The following HACD3 variants were observed in gnomAD, a reference collection of about 807,000 sequenced individuals.
HACD3 encodes the protein very-long-chain (3R)-3-hydroxyacyl-CoA dehydratase 3.
Under a neutral mutation model 55.2 loss-of-function variants are expected in HACD3, and 30 were observed. The ratio of observed to expected loss-of-function variants is 0.54; its 90% confidence interval spans 0.41 to 0.74. The LOEUF is 0.74. HACD3 is among the 30% of genes least tolerant of loss of function. The probability of loss-of-function intolerance (pLI) is 0.00; values close to 1 mark genes in which losing one functional copy is unlikely to be tolerated. For synonymous variants in HACD3, 141 were observed against 151.7 expected (o/e 0.93, Z 0.52); for missense variants, 363 against 440.1 (o/e 0.82, Z 1.57).
intron 10 of HACD3, among the ~76,000 whole-genome samples, chr15:65,573,357 C>G (rs927573460): frequency 6.6e-5 from 10 of 152,000 alleles, no homozygotes; most frequent in African/African-American, 2.4e-4. Context: ...CCTGTAATCC[C>G]AGCACTTTGG....
intron 4 of HACD3, among the ~76,000 whole-genome samples, chr15:65,557,722 T>C (rs1210236978): frequency 1.3e-5 from 2 of 152,204 alleles, no homozygotes; most frequent in South Asian, 4.1e-4. Flanking sequence ...AGAATAATTA[T>C]GCATGTCTAT....
intron 1 of HACD3, chr15:65,531,493 A>G (rs1219478460): frequency 6.6e-6 from 1 of 152,208 alleles, no homozygotes; most frequent in East Asian, 1.9e-4. Context: ...TCTCTGTCCA[A>G]ACTAAAGATT....
intron 1 of HACD3, among the ~76,000 whole-genome samples, chr15:65,533,929 A>G (rs1248101480): frequency 9.9e-5 from 15 of 151,772 alleles, no homozygotes; most frequent in Non-Finnish European, 1.9e-4. Flanking sequence ...GCGGGCGCCT[A>G]TAGTCCCAGC....
chr15:65,551,950 A>T, intron 2 of HACD3: 2 of 439,324 alleles, frequency 4.6e-6, no homozygotes, highest in Non-Finnish European at 8.1e-6. Context: ...GAAGGAAAAA[A>T]AAAAAAAGAA....
chr15:65,568,037 C>T (rs2072309985), intron 7 of HACD3, among the ~76,000 whole-genome samples: 5 of 151,862 alleles, frequency 3.3e-5, no homozygotes, highest in Admixed American at 2.6e-4. Context: ...ATTCTCCTAC[C>T]TCAGCCTCCC....
At chr15:65,550,723 T>G (rs535541043) in intron 1 of HACD3, 28 of 152,318 alleles carry the variant, frequency 1.8e-4, no homozygotes, top group African/African-American at 6.5e-4. Context: ...TCTGTTGGGT[T>G]GTTCTGGCTT....
chr15:65,556,371 C>T (rs1364929140), intron 3 of HACD3, among the ~76,000 whole-genome samples: 1 of 152,220 alleles, frequency 6.6e-6, no homozygotes, highest in Non-Finnish European at 1.5e-5. Flanking sequence ...TCCTTGCATG[C>T]ACAATTCACA....
At chr15:65,556,223 A>G (rs1478216718) in intron 3 of HACD3, among the ~76,000 whole-genome samples, 4 of 152,228 alleles carry the variant, frequency 2.6e-5, no homozygotes, top group African/African-American at 9.6e-5. Flanking sequence ...TATATAATGA[A>G]TACAACTCAC....
chr15:65,575,302 C>T (rs1021353724), intron 10 of HACD3, among the ~76,000 whole-genome samples: 2 of 151,916 alleles, frequency 1.3e-5, no homozygotes, highest in Admixed American at 6.6e-5. Context: ...ATTCTCTTGC[C>T]TCAGCCTCCG....
chr15:65,576,046 A>C (rs1198166848), intron 10 of HACD3, among the ~76,000 whole-genome samples: 1 of 152,236 alleles, frequency 6.6e-6, no homozygotes, highest in Non-Finnish European at 1.5e-5. Flanking sequence ...GTGAGCTGAG[A>C]TTGTGCCACT....
intron 7 of HACD3, among the ~76,000 whole-genome samples, chr15:65,569,119 G>A (rs1253885172): frequency 6.6e-6 from 1 of 151,912 alleles, no homozygotes; most frequent in African/African-American, 2.4e-5. Flanking sequence ...GTGGTGGCGG[G>A]CGCCTGTAGT....
intron 8 of HACD3, among the ~76,000 whole-genome samples, chr15:65,570,691 CTT>C (rs899918012): frequency 7.2e-5 from 11 of 152,156 alleles, no homozygotes; most frequent in African/African-American, 2.7e-4. Flanking sequence ...GCATAAATAT[CTT>C]TTAAGAAATG....
At chr15:65,544,487 G>A (rs352455) in intron 1 of HACD3, among the ~76,000 whole-genome samples, 143,109 of 152,320 alleles carry the variant, frequency 0.94, 67,236 homozygotes, top group Admixed American at 0.96. Context: ...TAGTTTTGTA[G>A]AATGCTACCA....
chr15:65,553,620 C>G (rs916254690), intron 2 of HACD3, among the ~76,000 whole-genome samples: 1 of 152,128 alleles, frequency 6.6e-6, no homozygotes, highest in African/African-American at 2.4e-5. Flanking sequence ...AGTCACCACT[C>G]AGCTCAGGTT....
chr15:65,559,472 A>G (rs969960263), intron 5 of HACD3, among the ~76,000 whole-genome samples: 6 of 150,786 alleles, frequency 4.0e-5, no homozygotes, highest in African/African-American at 9.8e-5. Flanking sequence ...AAATTTTTCA[A>G]ATTTTAGTGG....
At chr15:65,562,208 G>T (rs2072250478) in intron 5 of HACD3, among the ~76,000 whole-genome samples, 1 of 152,210 alleles carries the variant, frequency 6.6e-6, no homozygotes, top group East Asian at 1.9e-4. Context: ...AGGCCTGTCT[G>T]TCCAGATTCT....
intron 1 of HACD3, among the ~76,000 whole-genome samples, chr15:65,537,199 C>T (rs2071963167): frequency 6.6e-6 from 1 of 152,322 alleles, no homozygotes; most frequent in South Asian, 2.1e-4. Context: ...GGCTCCATAA[C>T]ATAAAAGTGC....
rs181169068 is a variant in HACD3, at chr15:65,541,762, G to A, written c.88-9914G>A. Among the ~76,000 whole-genome samples, 892 of 152,164 alleles carry A rather than the reference G, an allele frequency of 5.9e-3. 9 individuals carry two copies. The highest frequency in any genetic ancestry group is 8.5e-3 in the Non-Finnish European group (577 of 68,012). On this transcript the variant is annotated intron_variant, in intron 1 of 10. Transcript: ENST00000261875. ...AAATTGTCTGTGTCCCCAAAAGGGGGAATTAGAAGATGATACAAACTTTTA... is the reference window on the plus strand; with the variant it reads ...AAATTGTCTGTGTCCCCAAAAGGGGAAATTAGAAGATGATACAAACTTTTA...
Position 65,542,144 on chromosome 15 carries a change from G to A in HACD3, c.88-9532G>A, listed in dbSNP as rs1421942550. On this transcript the variant is annotated intron_variant, in intron 1 of 10. Transcript: ENST00000261875. ...CTTGGGAGGCTGAGGCAGGAGAATC[G>A]CTTGAACCTGGGAGGCAGAGGTTGC... 5.7e-5 allele frequency among the ~76,000 whole-genome samples: 8 copies of A among 140,544 alleles called. No individual in the cohort carries two copies. The East Asian group carries it at 1.4e-3, about 25-fold the overall frequency. 92.2% of individuals were successfully genotyped at this position (140,544 alleles called of 152,430 possible). A position where few individuals can be genotyped will look rare whatever the true frequency, so the allele number is the denominator to read the frequency against.
Sources: gnomAD v4.1 joint callset for allele counts (sites outside exome capture counted in the v4.1 genomes callset) on GRCh38, gnomAD v4.1.1 for gene constraint, MANE v1.5 for transcripts, NCBI Gene and HGNC (gene_info 2026-07-23, HGNC 2026-07-21) for gene names.